The following HP1BP3 variants were observed in gnomAD, a reference collection of about 807,000 sequenced individuals.
HP1BP3 encodes heterochromatin protein 1 binding protein 3, also known as heterochromatin protein 1-binding protein 3.
HP1BP3 carries 12 observed loss-of-function variants against 62.5 expected under a neutral mutation model. The ratio of observed to expected loss-of-function variants is 0.19; its 90% CI spans 0.12 to 0.31. The LOEUF is 0.31. HP1BP3 is among the 10% of genes least tolerant of loss of function. HP1BP3 has a pLI of 1.00. For missense variants in HP1BP3, 502 were observed against 651.8 expected (o/e 0.77, Z 2.50); for synonymous variants, 260 against 237.8 (o/e 1.09, Z -0.86).
chr1:20,753,183 C>T (rs12137996), intron 9 of HP1BP3, among the ~76,000 whole-genome samples: 62,240 of 151,894 alleles, frequency 0.41, 13,038 homozygotes, highest in African/African-American at 0.43. Flanking sequence ...CCTCGTGATT[C>T]GCCCACCTCG....
At chr1:20,751,757 T>G (rs1326526376) in intron 9 of HP1BP3, among the ~76,000 whole-genome samples, 1 of 148,006 alleles carries the variant, frequency 6.8e-6, no homozygotes, top group South Asian at 2.1e-4. Context: ...AAAAAAAAAG[T>G]ATCATACAAA....
intron 8 of HP1BP3, among the ~76,000 whole-genome samples, chr1:20,758,307 G>A (rs935745662): frequency 1.4e-4 from 22 of 152,074 alleles, no homozygotes; most frequent in Non-Finnish European, 1.3e-4. Flanking sequence ...TCTAAGAAGT[G>A]CTTCGCACAT....
In HP1BP3 at chr1:20,743,961, C is replaced by T. The variant is rs908148576; in HGVS notation, c.*836G>A. The stretch of plus-strand genomic sequence containing the variant: ...GTACACACCTGTAATCCCAGCTACT[C>T]GGGAGGCTGAAGCAGGAGAATTGCT... On this transcript the variant is annotated 3_prime_UTR_variant, in exon 13 of 13. Transcript: ENST00000438032. 6.6e-5 allele frequency: 10 copies of T among 152,032 alleles called. No homozygotes were observed. The highest frequency in any genetic ancestry group is 2.0e-4 in the Admixed American group (3 of 15,236). 9.4% of individuals were successfully genotyped at this position (152,032 alleles called of 1,614,324 possible). A position where few individuals can be genotyped will look rare whatever the true frequency, so the allele number is the denominator to read the frequency against.
chr1:20,770,310 AATT>A (rs2154540949), intron 6 of HP1BP3, among the ~76,000 whole-genome samples: 1 of 152,122 alleles, frequency 6.6e-6, no homozygotes, highest in East Asian at 1.9e-4. Context: ...AGACAAGGGC[AATT>A]ATTATTTCTG....
chr1:20,769,602 C>A (rs2154540911), intron 6 of HP1BP3, among the ~76,000 whole-genome samples: 1 of 152,180 alleles, frequency 6.6e-6, no homozygotes, highest in South Asian at 2.1e-4. Context: ...TTTGTAGAGA[C>A]AGGGCCTCAC....
At chr1:20,747,515 C>T (rs1356305903) in intron 11 of HP1BP3, 29 bp downstream of exon 11, 1 of 1,311,574 alleles carries the variant, frequency 7.6e-7, no homozygotes, top group African/African-American at 1.5e-5. Context: ...TATAAATTTA[C>T]AGTGATCTAT....
intron 6 of HP1BP3, 68 bp from the exon 7 acceptor site, chr1:20,767,732 C>T: frequency 1.1e-6 from 1 of 939,984 alleles, no homozygotes; most frequent in South Asian, 1.5e-5. Context: ...AATTACAGGC[C>T]ATGGTAATGC....
chr1:20,782,741 A>G (rs965086135), intron 1 of HP1BP3, among the ~76,000 whole-genome samples: 1 of 151,824 alleles, frequency 6.6e-6, no homozygotes, highest in African/African-American at 2.4e-5. Flanking sequence ...CTCTACTAAA[A>G]ATACAAAAAT....
At position 20,745,656 on chromosome 1, in the gene HP1BP3, G is replaced by C. The variant is rs755744714; in HGVS notation, c.1254C>G (p.Ser418Arg). ...CTTTCTTCGGAAACAGAACTCCTGG[G>C]CTATACGGGGAAAAATTAGATTAAA... is the stretch of plus-strand genomic sequence containing the variant. ...TFQLCFPYYP[S>R]PGVLFPKKEP... Residue 418 changes from serine to arginine, a missense_variant and splice_region_variant, in exon 12 of 13, where the codon AGC (serine) becomes AGG (arginine). By Grantham distance (110) the Ser-to-Arg change is moderately radical (BLOSUM62 -1). This residue lies in a region of HP1BP3 where 194 missense variants were observed against 207.0 expected (regional missense o/e 0.94). Transcript: ENST00000438032. 1 of 1,612,718 alleles carries C rather than the reference G, an allele frequency of 6.2e-7. No homozygotes were observed. Among genetic ancestry groups the C allele is most frequent in the East Asian group, 2.2e-5 (1 of 44,880 alleles).
At chr1:20,771,781 T>C (rs998959320) in intron 5 of HP1BP3, among the ~76,000 whole-genome samples, 3 of 152,232 alleles carry the variant, frequency 2.0e-5, no homozygotes, top group Non-Finnish European at 2.9e-5. Context: ...TGAAATCAAA[T>C]ACTTTAAATT....
At chr1:20,776,888 C>A in intron 3 of HP1BP3, 138 bp from the exon 4 acceptor site, 1 of 655,878 alleles carries the variant, frequency 1.5e-6, no homozygotes, top group Non-Finnish European at 2.4e-6. Context: ...AATGAATGAC[C>A]ACTAATGCAG....
intron 5 of HP1BP3, among the ~76,000 whole-genome samples, chr1:20,771,535 A>G (rs1309799936): frequency 2.0e-5 from 3 of 152,220 alleles, no homozygotes; most frequent in Non-Finnish European, 2.9e-5. Flanking sequence ...GATAATCTGA[A>G]TAAGTGGCAT....
At chr1:20,765,964 CAAAA>C (rs34214380) in intron 7 of HP1BP3, among the ~76,000 whole-genome samples, 2 of 69,656 alleles carry the variant, frequency 2.9e-5, no homozygotes, top group Non-Finnish European at 2.8e-5. Context: ...GACTCCGTCT[CAAAA>C]AAAAAAAAAA....
chr1:20,744,571 CCA>C lies in HP1BP3; in HGVS notation c.*224_*225del. On this transcript the variant is annotated 3_prime_UTR_variant, in exon 13 of 13. Transcript: ENST00000438032. ...TATACATTACATAGTTTAGGAAAGT[CCA>C]GGATTATTGCAGAAATTAAAATGAA... 1.9e-6 allele frequency: 1 copy of C among 520,508 alleles called. No individual in the cohort carries two copies. The highest frequency in any genetic ancestry group is 3.4e-6 in the Non-Finnish European group (1 of 295,906). The allele number at this position is 520,508 out of a possible 1,614,324, so 32.2% of individuals were successfully genotyped here.
chr1:20,780,689 C>A (rs929145173), intron 1 of HP1BP3, 149 bp from the exon 2 acceptor site: 2 of 555,908 alleles, frequency 3.6e-6, no homozygotes, highest in African/African-American at 3.7e-5. Context: ...AAAGATAAAA[C>A]TACCAAAATA....
intron 8 of HP1BP3, among the ~76,000 whole-genome samples, chr1:20,758,534 G>T (rs912496096): frequency 1.3e-5 from 2 of 152,112 alleles, no homozygotes; most frequent in Admixed American, 1.3e-4. Flanking sequence ...TTTTAGTAAA[G>T]ACGGGGTTTC....
intron 1 of HP1BP3, among the ~76,000 whole-genome samples, chr1:20,785,335 G>A (rs1358845683): frequency 6.6e-6 from 1 of 152,190 alleles, no homozygotes; most frequent in Non-Finnish European, 1.5e-5. Context: ...GTTTAACAAC[G>A]TATTTCAGTT....
At chr1:20,779,207 A>C (rs1287639032) in intron 3 of HP1BP3, among the ~76,000 whole-genome samples, 2 of 152,190 alleles carry the variant, frequency 1.3e-5, no homozygotes, top group South Asian at 4.1e-4. Context: ...AAAGGAAAAA[A>C]GGGAAAAGAT....
chr1:20,754,331 A>G (rs2055963836), intron 9 of HP1BP3, among the ~76,000 whole-genome samples: 1 of 152,226 alleles, frequency 6.6e-6, no homozygotes, highest in African/African-American at 2.4e-5. Context: ...CCGAACAACT[A>G]CAAAACACTG....
Sources: gnomAD v4.1 joint callset for allele counts (sites outside exome capture counted in the v4.1 genomes callset) on GRCh38, gnomAD v4.1.1 for gene constraint, gnomAD v4.1.1 regional missense constraint, MANE v1.5 for transcripts, NCBI Gene and HGNC (gene_info 2026-07-23, HGNC 2026-07-21) for gene names.